Variants in MCF2 observed in about 807,000 individuals in gnomAD.
MCF2 encodes proto-oncogene DBL.
A neutral mutation model predicts 82.5 loss-of-function variants in MCF2; 44 were observed. The ratio of observed to expected loss-of-function variants is 0.53; its 90% CI spans 0.42 to 0.69. The LOEUF (loss-of-function observed/expected upper bound fraction) is 0.69, where lower values mean the gene tolerates loss of function less well. MCF2 is among the 30% of genes least tolerant of loss of function. The probability of loss-of-function intolerance (pLI) is 0.00; values close to 1 mark genes in which losing one functional copy is unlikely to be tolerated. For missense variants in MCF2, 623 were observed against 663.1 expected, an observed-to-expected ratio of 0.94 and a Z score of 0.66; for synonymous variants, 217 against 224.9, an observed-to-expected ratio of 0.96 and a Z score of 0.32.
Position 139,658,675 on chromosome X carries a change from T to G in MCF2, c.-44-6887A>C, listed in dbSNP as rs931504268. Reference sequence around the variant, plus strand: ...CTGCTAAAAAAAGATGTGTTTTTTTTTTTTTTTTTTTTTTTTTGAGACAAG... The same window carrying G: ...CTGCTAAAAAAAGATGTGTTTTTTTGTTTTTTTTTTTTTTTTTGAGACAAG... On this transcript the variant is annotated intron_variant, in intron 1 of 27. Transcript: ENST00000414978. Among the ~76,000 whole-genome samples, 6 of 94,382 alleles carry G rather than the reference T, an allele frequency of 6.4e-5. No homozygotes were observed. In the South Asian group the frequency reaches 2.2e-3, roughly 35 times the overall value. 82.0% of individuals were successfully genotyped at this position (94,382 alleles called of 115,157 possible). A position where few individuals can be genotyped will look rare whatever the true frequency, so the allele number is the denominator to read the frequency against.
At chrX:139,585,986 T>C (rs1226467730) in intron 23 of MCF2, among the ~76,000 whole-genome samples, 2 of 112,274 alleles carry the variant, frequency 1.8e-5, no homozygotes, top group Admixed American at 1.9e-4. Flanking sequence ...CCAGTATATA[T>C]GTTTTATTCA....
intron 10 of MCF2, among the ~76,000 whole-genome samples, chrX:139,611,543 T>C (rs1479954499): frequency 3.6e-5 from 4 of 112,074 alleles, no homozygotes; most frequent in Non-Finnish European, 7.5e-5. Context: ...GCACAACTTA[T>C]GAGAAACACA....
rs754416041 is a variant in MCF2, at chrX:139,590,123, A to G, written c.2278-196T>C. ...ATGTTTTCATTGAACTATGCACTTTATAGTTCAGATTGCACGCTTCATTTC... is the reference window on the plus strand; with the variant it reads ...ATGTTTTCATTGAACTATGCACTTTGTAGTTCAGATTGCACGCTTCATTTC... On this transcript the variant is annotated intron_variant, in intron 19 of 24. Transcript: ENST00000370576. 6.3e-5 allele frequency among the ~76,000 whole-genome samples: 7 copies of G among 111,761 alleles called. No homozygotes were observed. The South Asian group carries it at 2.6e-3, about 41-fold the overall frequency.
chrX:139,688,537 C>T (rs1935183696), intron 1 of MCF2, among the ~76,000 whole-genome samples: 1 of 111,934 alleles, frequency 8.9e-6, no homozygotes, highest in South Asian at 3.7e-4. Context: ...TACATATCTC[C>T]CTGAGCTATA....
exon 4 of MCF2, chrX:139,629,710 C>T: frequency 8.3e-7 from 1 of 1,207,999 alleles, no homozygotes; most frequent in Non-Finnish European, 1.1e-6. Context: ...ACAGATGATA[C>T]CTTTCAGCAC....
chrX:139,596,954 T>C (rs1717272679), intron 18 of MCF2, among the ~76,000 whole-genome samples, 184 bp from the exon 23 acceptor site: 1 of 110,401 alleles, frequency 9.1e-6, no homozygotes, highest in East Asian at 2.9e-4. Flanking sequence ...ACTGTGGGGG[T>C]GGGGGACAAA....
intron 19 of MCF2, among the ~76,000 whole-genome samples, chrX:139,590,636 C>T (rs1192437440): frequency 1.8e-5 from 2 of 110,926 alleles, no homozygotes; most frequent in Admixed American, 1.9e-4. Flanking sequence ...TCATTTTCTG[C>T]TAACAGCTTG....
At chrX:139,607,844 C>A (rs895865033) in intron 11 of MCF2, 65 bp from the exon 16 acceptor site, 5 of 711,395 alleles carry the variant, frequency 7.0e-6, no homozygotes, top group African/African-American at 6.5e-5. Context: ...TCAAGGCGAT[C>A]CAGCTCAAAT....
At chrX:139,703,904 A>G (rs979382188) in intron 1 of MCF2, among the ~76,000 whole-genome samples, 2 of 112,228 alleles carry the variant, frequency 1.8e-5, no homozygotes, top group African/African-American at 6.5e-5. Context: ...TTATTCAAAA[A>G]TAACCACACT....
intron 24 of MCF2, among the ~76,000 whole-genome samples, chrX:139,584,396 C>T (rs1928765369): frequency 9.0e-6 from 1 of 111,182 alleles, no homozygotes; most frequent in African/African-American, 3.3e-5. Context: ...CCAAGGAGCA[C>T]TCTACCTCCA....
At chrX:139,588,905 G>A (rs943580184) in intron 20 of MCF2, among the ~76,000 whole-genome samples, 3 of 109,356 alleles carry the variant, frequency 2.7e-5, no homozygotes, top group African/African-American at 1.0e-4. Flanking sequence ...ACTCCAGCCT[G>A]AGCAACAGGG....
intron 1 of MCF2, among the ~76,000 whole-genome samples, chrX:139,705,622 C>T (rs1935575150): frequency 8.9e-6 from 1 of 111,986 alleles, no homozygotes; most frequent in Non-Finnish European, 1.9e-5. Context: ...TGGAAGAAAA[C>T]CTAGGAAATA....
chrX:139,692,529 G>C (rs1935298343), intron 1 of MCF2, among the ~76,000 whole-genome samples: 1 of 112,165 alleles, frequency 8.9e-6, no homozygotes, highest in South Asian at 3.7e-4. Flanking sequence ...CTGTGGAGGA[G>C]GGACGCAAGG....
intron 2 of MCF2, among the ~76,000 whole-genome samples, 158 bp downstream of exon 2, chrX:139,651,562 G>C (rs1934014608): frequency 9.0e-6 from 1 of 111,561 alleles, no homozygotes; most frequent in African/African-American, 3.3e-5. Flanking sequence ...TAGCAACTAG[G>C]TGCACAATGT....
chrX:139,664,350 T>C (rs1934449224), intron 1 of MCF2, among the ~76,000 whole-genome samples: 2 of 111,569 alleles, frequency 1.8e-5, no homozygotes, highest in Non-Finnish European at 3.8e-5. Flanking sequence ...TGATGTAAAA[T>C]CTGCTTTATC....
chrX:139,634,514 G>A (rs1395199565), intron 1 of MCF2, among the ~76,000 whole-genome samples: 1 of 111,947 alleles, frequency 8.9e-6, no homozygotes, highest in Non-Finnish European at 1.9e-5. Context: ...AATGTTAAGT[G>A]GCAATGAGAA....
intron 5 of MCF2, 58 bp from the exon 9 acceptor site, chrX:139,626,365 T>A: frequency 1.4e-6 from 1 of 730,623 alleles, no homozygotes; most frequent in Non-Finnish European, 2.1e-6. Flanking sequence ...TGTAAGTATG[T>A]AGATAAGTGT....
chrX:139,681,251 C>T (rs893210481), intron 1 of MCF2, among the ~76,000 whole-genome samples: 2 of 112,384 alleles, frequency 1.8e-5, no homozygotes, highest in Non-Finnish European at 3.8e-5. Flanking sequence ...GACGTGATGA[C>T]CAGAGAACTC....
chrX:139,697,732 T>C (rs1935410309), intron 1 of MCF2, among the ~76,000 whole-genome samples: 1 of 112,429 alleles, frequency 8.9e-6, no homozygotes, highest in Non-Finnish European at 1.9e-5. Context: ...TGTTGCCATT[T>C]ATAGATCTTC....
Sources: gnomAD v4.1 joint callset for allele counts (sites outside exome capture counted in the v4.1 genomes callset) on GRCh38, gnomAD v4.1.1 for gene constraint, MANE v1.5 for transcripts, NCBI Gene and HGNC (gene_info 2026-07-23, HGNC 2026-07-21) for gene names.